Variants in GHR observed in about 807,000 individuals in gnomAD.
The protein encoded by GHR is growth hormone receptor, also known as GH receptor.
A neutral mutation model predicts 67.1 loss-of-function variants in GHR; 35 were observed. That is an observed-to-expected ratio of 0.52 (90% confidence interval 0.40 to 0.69). The LOEUF is 0.69. Among genes scored for constraint, GHR ranks in the 30% least tolerant of loss-of-function variants. GHR has a pLI of 0.00. For missense variants in GHR, 792 were observed against 764.6 expected (o/e 1.04, Z -0.42); for synonymous variants, 272 against 269.1 (o/e 1.01, Z -0.10).
At chr5:42,643,252 G>A (rs535355483) in intron 3 of GHR, among the ~76,000 whole-genome samples, 56 of 152,300 alleles carry the variant, frequency 3.7e-4, no homozygotes, top group African/African-American at 1.3e-3. Flanking sequence ...ATGCAAAGCT[G>A]AAGCTAAATA....
chr5:42,583,364 AC>A, intron 2 of GHR, among the ~76,000 whole-genome samples: 1 of 139,792 alleles, frequency 7.2e-6, no homozygotes, highest in East Asian at 1.9e-4. Context: ...AGGCCCTTGC[AC>A]CCCCATTACT....
intron 1 of GHR, among the ~76,000 whole-genome samples, chr5:42,454,746 C>G (rs553785352): frequency 6.6e-6 from 1 of 152,136 alleles, no homozygotes; most frequent in Non-Finnish European, 1.5e-5. Context: ...ATCCACGCCT[C>G]CTGCTTGTGG....
At chr5:42,435,671 T>C (rs1449806674) in intron 1 of GHR, among the ~76,000 whole-genome samples, 1 of 152,224 alleles carries the variant, frequency 6.6e-6, no homozygotes, top group Non-Finnish European at 1.5e-5. Context: ...TACTATTAAC[T>C]AAAATCCAGA....
chr5:42,453,103 T>C (rs970582061), intron 1 of GHR, among the ~76,000 whole-genome samples: 71 of 152,266 alleles, frequency 4.7e-4, no homozygotes, highest in African/African-American at 1.6e-3. Context: ...ACTCTAATGT[T>C]TATTTTAGCC....
Position 42,424,173 on chromosome 5 carries a change from T to TGC in GHR, c.-12+219_-12+220insCG, listed in dbSNP as rs1742738635. Among the ~76,000 whole-genome samples, 1 of 72,136 alleles carries TGC rather than the reference T, an allele frequency of 1.4e-5. No homozygotes were observed. The highest frequency in any genetic ancestry group is 1.6e-4 in the Admixed American group (1 of 6,438). 47.3% of individuals were successfully genotyped at this position (72,136 alleles called of 152,430 possible). On this transcript the variant is annotated intron_variant, in intron 1 of 9. Transcript: ENST00000230882. The surrounding 1 kb of genome is among the most constrained non-coding windows in gnomAD (Gnocchi z 4.1). ...GGTGGGTTGTTGTAACCCAATCTAG[T>TGC]GTGTGTGTGTGTGTGTGTGTGTGTG...
intron 3 of GHR, among the ~76,000 whole-genome samples, chr5:42,641,415 A>G (rs543946969): frequency 5.0e-4 from 76 of 152,260 alleles, no homozygotes; most frequent in African/African-American, 1.8e-3. Context: ...GTTCAGGAAT[A>G]AGGAGGCTTT....
chr5:42,562,046 C>G (rs932489278), intron 1 of GHR, among the ~76,000 whole-genome samples: 4 of 152,104 alleles, frequency 2.6e-5, no homozygotes, highest in Non-Finnish European at 4.4e-5. Context: ...ATTCTCACAT[C>G]TAGTATATCA....
At chr5:42,628,425 G>A (rs1273350336) in intron 2 of GHR, among the ~76,000 whole-genome samples, 1 of 133,482 alleles carries the variant, frequency 7.5e-6, no homozygotes, top group Non-Finnish European at 1.6e-5. Context: ...TGTGCCCAAG[G>A]CCGTCAGATT....
chr5:42,450,865 C>A lies in GHR; in HGVS notation c.-12+26910C>A, dbSNP rs1180978565. On this transcript the variant is annotated intron_variant, in intron 1 of 9. Coordinates refer to ENST00000230882, the MANE Select transcript of GHR (RefSeq NM_000163.5). Reference sequence around the variant, plus strand: ...TCATTTTGAAAGAATTTTTAATTTTCATCTTGATTTCATTGTTGACCCAAA... The same window carrying A: ...TCATTTTGAAAGAATTTTTAATTTTAATCTTGATTTCATTGTTGACCCAAA... Among the ~76,000 whole-genome samples, 4 of 152,186 alleles carry A rather than the reference C, an allele frequency of 2.6e-5. No individual in the cohort carries two copies. The East Asian group carries it at 7.7e-4, about 29-fold the overall frequency.
At chr5:42,643,731 T>TC (rs1296977708) in intron 3 of GHR, among the ~76,000 whole-genome samples, 4 of 151,258 alleles carry the variant, frequency 2.6e-5, no homozygotes, top group African/African-American at 2.4e-5. Flanking sequence ...TTTTTTTTTT[T>TC]CCCTGAAAAC....
At chr5:42,698,345 T>A (rs979481429) in intron 5 of GHR, among the ~76,000 whole-genome samples, 5 of 152,166 alleles carry the variant, frequency 3.3e-5, no homozygotes, top group African/African-American at 1.2e-4. Flanking sequence ...AGTAATGAGT[T>A]ATAGAAAATC....
chr5:42,519,219 T>C (rs1005961301), intron 1 of GHR, among the ~76,000 whole-genome samples: 4 of 152,222 alleles, frequency 2.6e-5, no homozygotes, highest in Non-Finnish European at 5.9e-5. Flanking sequence ...AATTTTTCCA[T>C]GCTTGTCTTC....
At chr5:42,549,522 T>C (rs1310252959) in intron 1 of GHR, 1 of 215,602 alleles carries the variant, frequency 4.6e-6, no homozygotes, top group Non-Finnish European at 7.9e-6. Flanking sequence ...TGCTAAGGTG[T>C]TTCTAAGTTG....
At chr5:42,492,660 C>A (rs970142057) in intron 1 of GHR, among the ~76,000 whole-genome samples, 2 of 152,088 alleles carry the variant, frequency 1.3e-5, no homozygotes, top group Non-Finnish European at 2.9e-5. Flanking sequence ...GATTATAAAT[C>A]AGATTTTATT....
chr5:42,619,651 G>A (rs1038623583), intron 2 of GHR: 1 of 152,040 alleles, frequency 6.6e-6, no homozygotes, highest in East Asian at 1.9e-4. Context: ...ACTTTTTCTA[G>A]CTCTGAAATA....
chr5:42,592,510 C>T (rs976002038), intron 2 of GHR, among the ~76,000 whole-genome samples: 29 of 152,176 alleles, frequency 1.9e-4, no homozygotes, highest in African/African-American at 1.7e-4. Flanking sequence ...AATGAGAACA[C>T]GCAGTGTTTA....
intron 2 of GHR, among the ~76,000 whole-genome samples, chr5:42,566,607 G>T (rs900607834): frequency 5.3e-5 from 8 of 151,676 alleles, no homozygotes; most frequent in African/African-American, 1.9e-4. Flanking sequence ...AAGAGTAATA[G>T]AAGGGAAAGG....
chr5:42,596,147 A>G (rs890752679), intron 2 of GHR, among the ~76,000 whole-genome samples: 1 of 152,196 alleles, frequency 6.6e-6, no homozygotes. Flanking sequence ...GCTGGTTCCA[A>G]TTAAAATTGA....
chr5:42,506,744 G>A (rs954394432), intron 1 of GHR, among the ~76,000 whole-genome samples: 5 of 152,104 alleles, frequency 3.3e-5, no homozygotes, highest in African/African-American at 1.2e-4. Flanking sequence ...TTAGATAAGA[G>A]CCTATTAGAA....
Sources: gnomAD v4.1 joint callset for allele counts (sites outside exome capture counted in the v4.1 genomes callset) on GRCh38, gnomAD v4.1.1 for gene constraint, Gnocchi (gnomAD v3.1) non-coding constraint, MANE v1.5 for transcripts, NCBI Gene and HGNC (gene_info 2026-07-23, HGNC 2026-07-21) for gene names.